AGPS: variants seen among roughly 807,000 people sequenced by gnomAD.
AGPS encodes alkylglycerone phosphate synthase, also known as alkyldihydroxyacetonephosphate synthase, peroxisomal.
In AGPS, 26 loss-of-function variants were observed where a neutral mutation model predicts 90.7. The ratio of observed to expected loss-of-function variants is 0.29; its 90% CI spans 0.21 to 0.40. The LOEUF (loss-of-function observed/expected upper bound fraction) is 0.40, where lower values mean the gene tolerates loss of function less well. AGPS is among the 10% of genes least tolerant of loss of function. The pLI is 1.00. For synonymous variants in AGPS, 294 were observed against 285.3 expected (o/e 1.03, Z -0.31); for missense variants, 540 against 816.1 (o/e 0.66, Z 4.12).
chr2:177,395,268 G>C (rs1374913101), intron 1 of AGPS, among the ~76,000 whole-genome samples: 1 of 152,200 alleles, frequency 6.6e-6, no homozygotes, highest in East Asian at 1.9e-4. Context: ...CGTTTGTAAG[G>C]CACACCAAGA....
At chr2:177,439,598 CAT>C (rs1686535151) in intron 5 of AGPS, among the ~76,000 whole-genome samples, 1 of 152,140 alleles carries the variant, frequency 6.6e-6, no homozygotes, top group African/African-American at 2.4e-5. Flanking sequence ...AAACAAATGA[CAT>C]GTTTTCTTAG....
chr2:177,515,949 GT>G (rs566625249), intron 17 of AGPS, among the ~76,000 whole-genome samples: 1 of 37,602 alleles, frequency 2.7e-5, no homozygotes, highest in Non-Finnish European at 6.2e-5. Flanking sequence ...CTGCTTAGTA[GT>G]GGCTAAGGAG....
At chr2:177,489,627 G>A (rs116565743) in intron 11 of AGPS, among the ~76,000 whole-genome samples, 1,692 of 152,190 alleles carry the variant, frequency 0.011, 19 homozygotes, top group Non-Finnish European at 0.018. Context: ...AGTACAAAAA[G>A]TATACTGATA....
chr2:177,527,908 C>T (rs182792094), intron 19 of AGPS, among the ~76,000 whole-genome samples: 9 of 152,126 alleles, frequency 5.9e-5, no homozygotes, highest in Admixed American at 3.3e-4. Flanking sequence ...AAAATATGAC[C>T]GCATGGAAAC....
At chr2:177,447,455 A>AAT (rs1410005916) in intron 8 of AGPS, among the ~76,000 whole-genome samples, 1 of 152,070 alleles carries the variant, frequency 6.6e-6, no homozygotes, top group African/African-American at 2.4e-5. Context: ...AAAACCTCTA[A>AAT]AAAGTCCTGT....
intron 1 of AGPS, among the ~76,000 whole-genome samples, chr2:177,404,320 G>A (rs1031131758): frequency 1.3e-5 from 2 of 152,174 alleles, no homozygotes; most frequent in African/African-American, 2.4e-5. Context: ...TGGCCTAGAT[G>A]TATCAGTTTA....
intron 11 of AGPS, among the ~76,000 whole-genome samples, chr2:177,487,515 CAT>C (rs761042894): frequency 2.6e-4 from 39 of 152,158 alleles, no homozygotes; most frequent in African/African-American, 8.2e-4. Flanking sequence ...TTTGGGAAGA[CAT>C]AAATTTTATG....
At position 177,417,895 on chromosome 2, in the gene AGPS, G is replaced by C. The variant is rs1283377600; in HGVS notation, c.261-2374G>C. ...TATACTAGTAATTTGGTGGGGATGGGGTTAGAATATGTGTACATAAAAGTT... is the reference window on the plus strand; with the variant it reads ...TATACTAGTAATTTGGTGGGGATGGCGTTAGAATATGTGTACATAAAAGTT... On this transcript the variant is annotated intron_variant, in intron 1 of 19. Coordinates refer to ENST00000264167, the MANE Select transcript of AGPS (RefSeq NM_003659.4). 3.3e-5 allele frequency among the ~76,000 whole-genome samples: 5 copies of C among 152,164 alleles called. No homozygotes were observed. The South Asian group carries it at 1.0e-3, about 32-fold the overall frequency.
At chr2:177,483,629 C>G (rs1162214176) in intron 11 of AGPS, among the ~76,000 whole-genome samples, 1 of 152,048 alleles carries the variant, frequency 6.6e-6, no homozygotes. Flanking sequence ...AGTTGAAATC[C>G]TTACATTAGA....
intron 19 of AGPS, among the ~76,000 whole-genome samples, chr2:177,526,695 A>G (rs2079090930): frequency 1.3e-5 from 2 of 152,208 alleles, no homozygotes; most frequent in African/African-American, 4.8e-5. Context: ...ATGGGATTAT[A>G]TTATTGCTAC....
chr2:177,456,158 T>G (rs1432843525), intron 8 of AGPS, among the ~76,000 whole-genome samples: 1 of 152,172 alleles, frequency 6.6e-6, no homozygotes, highest in Non-Finnish European at 1.5e-5. Context: ...ATACTCCAGT[T>G]TGGGAGACAG....
intron 14 of AGPS, among the ~76,000 whole-genome samples, chr2:177,505,305 G>C (rs549032407): frequency 1.1e-4 from 16 of 151,974 alleles, no homozygotes; most frequent in African/African-American, 3.9e-4. Context: ...GTGCTTTTTT[G>C]AGAATATGGG....
intron 11 of AGPS, among the ~76,000 whole-genome samples, chr2:177,490,846 C>CTTTTT (rs61555724): frequency 1.7e-4 from 10 of 58,190 alleles, no homozygotes; most frequent in African/African-American, 2.0e-4. Flanking sequence ...AAGTTGCAGA[C>CTTTTT]TTTTTTTTTT....
chr2:177,518,522 A>G (rs1689088612), intron 17 of AGPS, among the ~76,000 whole-genome samples: 1 of 152,158 alleles, frequency 6.6e-6, no homozygotes, highest in Non-Finnish European at 1.5e-5. Flanking sequence ...TCCTAATCAC[A>G]TCAATATCCC....
At chr2:177,465,737 G>A (rs1199288308) in intron 9 of AGPS, among the ~76,000 whole-genome samples, 3 of 152,236 alleles carry the variant, frequency 2.0e-5, no homozygotes, top group East Asian at 1.9e-4. Flanking sequence ...AGACGCCAGG[G>A]ACTGCAGAGC....
At position 177,414,409 on chromosome 2, in the gene AGPS, G is replaced by A. The variant is rs533610247; in HGVS notation, c.261-5860G>A. ...ATTTTTGAGAATTAGGGGTCCCGCT[G>A]TATTGCTCAGGCTTATTTTGAACTT... is the stretch of plus-strand genomic sequence containing the variant. On this transcript the variant is annotated intron_variant, in intron 1 of 19. Coordinates refer to ENST00000264167, the MANE Select transcript of AGPS (RefSeq NM_003659.4). Among the ~76,000 whole-genome samples the A allele has an allele frequency of 7.2e-5, 11 of 152,074 alleles. No individual in the cohort carries two copies. In the South Asian group the frequency reaches 2.3e-3, roughly 32 times the overall value.
chr2:177,478,011 C>T (rs1687832373), intron 10 of AGPS, among the ~76,000 whole-genome samples: 2 of 152,212 alleles, frequency 1.3e-5, no homozygotes, highest in African/African-American at 4.8e-5. Context: ...TTGGGGTCAC[C>T]TTTGGTATTT....
At chr2:177,409,588 C>T (rs1378572812) in intron 1 of AGPS, among the ~76,000 whole-genome samples, 1 of 152,070 alleles carries the variant, frequency 6.6e-6, no homozygotes, top group African/African-American at 2.4e-5. Flanking sequence ...CGGCTCTCAA[C>T]AGGAAAACTC....
intron 15 of AGPS, 76 bp from the exon 16 acceptor site, chr2:177,507,894 T>A: frequency 1.0e-6 from 1 of 998,786 alleles, no homozygotes. Flanking sequence ...TAACAATGAA[T>A]ATGAAAGACT....
Sources: allele counts gnomAD v4.1 joint callset (sites outside exome capture counted in the v4.1 genomes callset), GRCh38; gene constraint gnomAD v4.1.1; transcripts MANE v1.5; gene names NCBI Gene and HGNC (gene_info 2026-07-23, HGNC 2026-07-21).